The following CASP8 variants were observed in gnomAD, a reference collection of about 807,000 sequenced individuals.
The protein encoded by CASP8 is caspase 8, also known as caspase-8.
CASP8 carries 24 observed loss-of-function variants against 46.3 expected under a neutral mutation model. The ratio of observed to expected loss-of-function variants is 0.52; its 90% CI spans 0.38 to 0.73. CASP8 has a LOEUF of 0.73. Among genes scored for constraint, CASP8 ranks in the 30% least tolerant of loss-of-function variants. The pLI is 0.00. For missense variants in CASP8, 460 were observed against 559.0 expected, an observed-to-expected ratio of 0.82 and a Z score of 1.79; for synonymous variants, 188 against 200.4, an observed-to-expected ratio of 0.94 and a Z score of 0.52.
intron 1 of CASP8, among the ~76,000 whole-genome samples, chr2:201,263,147 T>C (rs1451832348): frequency 1.3e-5 from 2 of 152,228 alleles, no homozygotes; most frequent in African/African-American, 4.8e-5. Flanking sequence ...TTGGATTGTA[T>C]TGATTTTTAT....
rs1947850298 is a variant in CASP8 at position 201,266,724 on chromosome 2, A to C, written c.238A>C (p.Asn80His). The C allele has an allele frequency of 3.1e-6, 5 of 1,614,114 alleles. No homozygotes were observed. The highest frequency in any genetic ancestry group is 4.2e-6 in the Non-Finnish European group (5 of 1,179,984). ...NRLDLLITYL[N>H]TRKEEMEREL... Reference sequence around the variant, plus strand: ...ACTGGATTTGCTGATTACCTACCTAAACACTAGAAAGGAGGAGATGGAAAG... The same window carrying C: ...ACTGGATTTGCTGATTACCTACCTACACACTAGAAAGGAGGAGATGGAAAG... The change falls in exon 2 of 9, where the codon AAC becomes CAC. Residue 80 changes from asparagine (N) to histidine (H), a missense_variant. Asn to His is a moderately conservative substitution (Grantham distance 68). Coordinates refer to ENST00000673742, the MANE Select transcript of CASP8 (RefSeq NM_001372051.1). This position sits in a 1 kb window ranked among gnomAD's most constrained non-coding sequence, Gnocchi z 5.7.
upstream of CASP8, chr2:201,258,109 C>A: frequency 1.8e-6 from 2 of 1,111,070 alleles, no homozygotes; most frequent in Non-Finnish European, 2.7e-6. Context: ...CTCTTTCTCT[C>A]GGAGACCAGA....
At chr2:201,268,505 T>A (rs1173236751) in intron 2 of CASP8, among the ~76,000 whole-genome samples, 2 of 151,880 alleles carry the variant, frequency 1.3e-5, no homozygotes, top group East Asian at 3.9e-4. Flanking sequence ...AAGCTGAGAT[T>A]ATGCCATTGC....
At chr2:201,257,649 C>G (rs554234102), upstream of CASP8, among the ~76,000 whole-genome samples, 3 of 152,228 alleles carry the variant, frequency 2.0e-5, no homozygotes, top group East Asian at 5.8e-4. Flanking sequence ...AGGGCTGAGC[C>G]GAGCAGGGCT....
Position 201,237,403 on chromosome 2 carries a change from C to G in CASP8, c.-27+3291C>G, listed in dbSNP as rs1327556005. ...ACCTTGTCCAGACCCTTTTCTCTAT[C>G]TTTATGAAAACATCTCTCCAGTAGA... On this transcript the variant is annotated intron_variant, in intron 2 of 6. Transcript: ENST00000264274. Among the ~76,000 whole-genome samples the G allele has an allele frequency of 1.4e-4, 18 of 129,472 alleles. 1 individual carries two copies. The highest frequency in any genetic ancestry group is 2.5e-4 in the Non-Finnish European group (16 of 64,084). 84.9% of individuals were successfully genotyped at this position (129,472 alleles called of 152,430 possible). A position where few individuals can be genotyped will look rare whatever the true frequency, so the allele number is the denominator to read the frequency against.
At chr2:201,255,740 G>A (rs1946986082), upstream of CASP8, among the ~76,000 whole-genome samples, 1 of 152,246 alleles carries the variant, frequency 6.6e-6, no homozygotes, top group Non-Finnish European at 1.5e-5. Context: ...TAACATAGTA[G>A]TGAATATTTA....
At chr2:201,283,622 C>T (rs371119344) in intron 7 of CASP8, among the ~76,000 whole-genome samples, 3,335 of 68,518 alleles carry the variant, frequency 0.049, 165 homozygotes, top group East Asian at 0.28. Context: ...CAGAGGGGTC[C>T]TCACTTCCCA....
chr2:201,283,549 G>T (rs1949294469), intron 7 of CASP8, among the ~76,000 whole-genome samples: 1 of 92,166 alleles, frequency 1.1e-5, no homozygotes, highest in African/African-American at 3.7e-5. Context: ...TCCCGGACGG[G>T]GCGGCTGGCC....
intron 2 of CASP8, among the ~76,000 whole-genome samples, chr2:201,245,585 ATC>A (rs1559331512): frequency 6.6e-6 from 1 of 152,108 alleles, no homozygotes. Context: ...AAAGCTAGAA[ATC>A]TGAGTCTGGT....
intron 6 of CASP8, among the ~76,000 whole-genome samples, chr2:201,275,379 T>G (rs1948569339): frequency 6.6e-6 from 1 of 152,190 alleles, no homozygotes; most frequent in Non-Finnish European, 1.5e-5. Context: ...CAGCAAACTC[T>G]CACAATCTAG....
intron 2 of CASP8, among the ~76,000 whole-genome samples, chr2:201,237,255 T>A (rs2124856791): frequency 6.6e-6 from 1 of 151,626 alleles, no homozygotes; most frequent in African/African-American, 2.4e-5. Context: ...CTTGCCCAGA[T>A]AATTTTTGTA....
At chr2:201,254,732 C>G (rs148366365) in intron 2 of CASP8, among the ~76,000 whole-genome samples, 2,728 of 152,258 alleles carry the variant, frequency 0.018, 41 homozygotes, top group Non-Finnish European at 0.028. Context: ...TGCTTTCAGC[C>G]GGCTGGTGGA....
In CASP8 at chr2:201,244,953, G is replaced by A. The variant is rs1463112529; in HGVS notation, c.-27+10841G>A. 1.3e-5 allele frequency among the ~76,000 whole-genome samples: 2 copies of A among 152,184 alleles called. 1 individual carries two copies. Among genetic ancestry groups the A allele is most frequent in the Non-Finnish European group, 2.9e-5 (2 of 68,024 alleles). On this transcript the variant is annotated intron_variant, in intron 2 of 6. Coordinates refer to the CASP8 transcript ENST00000264274. ...GAATGCCACACTGGGACCCCAGACT[G>A]TTCCCCTGAGATGCATAGTCCAGGC...
intron 2 of CASP8, among the ~76,000 whole-genome samples, chr2:201,234,720 A>G (rs1356914756): frequency 6.6e-6 from 1 of 152,066 alleles, no homozygotes; most frequent in Non-Finnish European, 1.5e-5. Flanking sequence ...TGGCCTCCCA[A>G]AGTGCTGGGA....
chr2:201,242,961 G>C lies in CASP8; in HGVS notation c.-27+8849G>C, dbSNP rs1474573471. The C allele has an allele frequency of 1.9e-5, 3 of 156,184 alleles. No individual in the cohort carries two copies. The East Asian group carries it at 5.5e-4, about 29-fold the overall frequency. 9.7% of individuals were successfully genotyped at this position (156,184 alleles called of 1,614,324 possible). ...ATGAATCTTGAAGACATTATGCTAAGTGAAATAAGCCAGTCACCAAAAGAC... is the reference window on the plus strand; with the variant it reads ...ATGAATCTTGAAGACATTATGCTAACTGAAATAAGCCAGTCACCAAAAGAC... On this transcript the variant is annotated intron_variant, in intron 2 of 6. Coordinates refer to the CASP8 transcript ENST00000264274.
chr2:201,251,105 T>C (rs6738848), intron 2 of CASP8, among the ~76,000 whole-genome samples: 13,599 of 152,282 alleles, frequency 0.089, 1,143 homozygotes, highest in African/African-American at 0.22. Context: ...TTTTTATTGC[T>C]GAATAATAAT....
chr2:201,281,979 C>G, intron 7 of CASP8: 1 of 162,602 alleles, frequency 6.1e-6, no homozygotes, highest in East Asian at 5.4e-4. Flanking sequence ...GGGTGTTTCT[C>G]GCAGAGGGGG....
chr2:201,263,140 G>A (rs6751053), intron 1 of CASP8, among the ~76,000 whole-genome samples: 70,260 of 151,994 alleles, frequency 0.46, 18,766 homozygotes, highest in Non-Finnish European at 0.62. Flanking sequence ...CTCAGCCTTG[G>A]ATTGTATTGA....
upstream of CASP8, among the ~76,000 whole-genome samples, chr2:201,256,872 G>C (rs1285883583): frequency 1.3e-5 from 2 of 152,176 alleles, no homozygotes; most frequent in Non-Finnish European, 2.9e-5. Context: ...ATGGCTGGGC[G>C]CGCTGCCTCA....
Sources: allele counts gnomAD v4.1 joint callset (sites outside exome capture counted in the v4.1 genomes callset), GRCh38; gene constraint gnomAD v4.1.1; non-coding constraint Gnocchi (gnomAD v3.1); transcripts MANE v1.5; gene names NCBI Gene and HGNC (gene_info 2026-07-23, HGNC 2026-07-21).